ISCA1: variants seen among roughly 807,000 people sequenced by gnomAD.
ISCA1 encodes the protein iron-sulfur cluster assembly 1.
In ISCA1, 9 loss-of-function variants were observed where a neutral mutation model predicts 14.7. That is an observed-to-expected ratio of 0.61 (90% CI 0.37 to 1.07). ISCA1 has a LOEUF of 1.07. Among genes scored for constraint, ISCA1 ranks in the 50% least tolerant of loss-of-function variants. The probability of loss-of-function intolerance (pLI) is 0.01; values close to 1 mark genes in which losing one functional copy is unlikely to be tolerated. For synonymous variants in ISCA1, 38 were observed against 54.3 expected, an observed-to-expected ratio of 0.70 and a Z score of 1.32; for missense variants, 102 against 150.1, an observed-to-expected ratio of 0.68 and a Z score of 1.67.
At chr9:86,268,223 C>T (rs545423753) in intron 3 of ISCA1, among the ~76,000 whole-genome samples, 27 of 152,124 alleles carry the variant, frequency 1.8e-4, no homozygotes, top group Admixed American at 3.9e-4. Context: ...CTGCCCCTGA[C>T]GGCCTTCCAA....
chr9:86,272,157 G>T, intron 2 of ISCA1, 45 bp from the exon 3 acceptor site: 2 of 1,139,328 alleles, frequency 1.8e-6, no homozygotes, highest in Non-Finnish European at 2.6e-6. Context: ...AAGTAGTACA[G>T]ATTAAACAAT....
Position 86,271,994 on chromosome 9 carries a change from G to T in ISCA1, c.241+13C>A. On this transcript the variant is annotated intron_variant, in intron 3 of 3. Coordinates refer to ENST00000375991, the MANE Select transcript of ISCA1 (RefSeq NM_030940.4). ...AAAACAATGTGCCCAAAAAATGTTT[G>T]TTAAAAACTCACCATCTTGAATAAC... 1 of 1,496,704 alleles carries T rather than the reference G, an allele frequency of 6.7e-7. No homozygotes were observed. The highest frequency in any genetic ancestry group is 9.3e-7 in the Non-Finnish European group (1 of 1,076,994). The allele number at this position is 1,496,704 out of a possible 1,614,324, so 92.7% of individuals were successfully genotyped here. A position where few individuals can be genotyped will look rare whatever the true frequency, so the allele number is the denominator to read the frequency against.
chr9:86,265,252 G>T lies in ISCA1; in HGVS notation c.*791C>A, dbSNP rs1316129223. 6.6e-6 allele frequency: 1 copy of T among 152,208 alleles called. No individual in the cohort carries two copies. The highest frequency in any genetic ancestry group is 1.5e-5 in the Non-Finnish European group (1 of 68,050). The allele number at this position is 152,208 out of a possible 1,614,324, so 9.4% of individuals were successfully genotyped here. On this transcript the variant is annotated 3_prime_UTR_variant, in exon 4 of 4. Transcript: ENST00000375991. ...ATGTGTCACCTACAAGGGGAGAGGGGGGTAGAGTCCCTACTCTCCCCCGGC... is the reference window on the plus strand; with the variant it reads ...ATGTGTCACCTACAAGGGGAGAGGGTGGTAGAGTCCCTACTCTCCCCCGGC...
At chr9:86,270,716 G>C (rs1209990114) in intron 3 of ISCA1, among the ~76,000 whole-genome samples, 3 of 151,598 alleles carry the variant, frequency 2.0e-5, no homozygotes, top group Non-Finnish European at 4.4e-5. Context: ...GTGATAGACT[G>C]GATTAAGAAA....
At chr9:86,280,607 A>G (rs80123516) in intron 1 of ISCA1, among the ~76,000 whole-genome samples, 5,680 of 151,292 alleles carry the variant, frequency 0.038, 170 homozygotes, top group Middle Eastern at 0.082. Flanking sequence ...AAAAAAAAAA[A>G]AAAAAAAGAA....
intron 2 of ISCA1, among the ~76,000 whole-genome samples, chr9:86,272,521 G>T (rs1825383409): frequency 6.6e-6 from 1 of 152,208 alleles, no homozygotes; most frequent in African/African-American, 2.4e-5. Context: ...GAAAGCAAAA[G>T]ACTGCAGTCA....
chr9:86,278,014 T>C (rs1284212867), intron 1 of ISCA1, among the ~76,000 whole-genome samples: 1 of 152,260 alleles, frequency 6.6e-6, no homozygotes, highest in East Asian at 1.9e-4. Flanking sequence ...CAATCCTGTA[T>C]TTCTTTAAGT....
intron 2 of ISCA1, 97 bp from the exon 3 acceptor site, chr9:86,272,209 A>C (rs776442467): frequency 2.9e-5 from 22 of 765,332 alleles, no homozygotes; most frequent in Non-Finnish European, 4.3e-5. Context: ...ACCAAAATGG[A>C]CTTTCTCTTA....
Position 86,272,067 on chromosome 9 carries a change from A to G in ISCA1, c.181T>C (p.Ser61Pro), listed in dbSNP as rs763453804. ...GVRTRGCNGL[S>P]YTLEYTKTKG... ...GTCTTTGTATATTCTAGAGTATAAG[A>G]AAGGCCATTACAGCCCCTGGTTCGG... Residue 61 changes from serine (S) to proline (P), a missense_variant, in exon 3 of 4, where the codon TCT becomes CCT. Transcript: ENST00000375991. The G allele has an allele frequency of 1.2e-6, 2 of 1,607,840 alleles. No homozygotes were observed. The highest frequency in any genetic ancestry group is 2.2e-5 in the South Asian group (2 of 90,706).
At chr9:86,280,551 C>G (rs1825496663) in intron 1 of ISCA1, among the ~76,000 whole-genome samples, 1 of 149,350 alleles carries the variant, frequency 6.7e-6, no homozygotes, top group African/African-American at 2.5e-5. Context: ...GCTGAGATCA[C>G]GCCACTGCAC....
rs546400167 is a variant in ISCA1, at chr9:86,265,320, G to A, written c.*723C>T. ...ACAGGAGCCCTTTGGCTTCCCTGGG[G>A]TTTTGCTTCCTCACATAGGGAATTG... On this transcript the variant is annotated 3_prime_UTR_variant, in exon 4 of 4. Coordinates refer to ENST00000375991, the MANE Select transcript of ISCA1 (RefSeq NM_030940.4). The A allele has an allele frequency of 2.8e-4, 42 of 152,308 alleles. No individual in the cohort carries two copies. Among genetic ancestry groups the A allele is most frequent in the African/African-American group, 9.9e-4 (41 of 41,550 alleles). The allele number at this position is 152,308 out of a possible 1,614,324, so 9.4% of individuals were successfully genotyped here.
chr9:86,282,305 C>A (rs1375144050), intron 1 of ISCA1, 73 bp downstream of exon 1: 1 of 1,470,708 alleles, frequency 6.8e-7, no homozygotes, highest in Non-Finnish European at 9.1e-7. Flanking sequence ...CACTCCCGGC[C>A]GCCGTGACCT....
intron 1 of ISCA1, chr9:86,282,154 G>A (rs887464168): frequency 3.6e-6 from 2 of 562,472 alleles, no homozygotes; most frequent in South Asian, 2.5e-5. Flanking sequence ...GACGGGAAAC[G>A]TAGTTTCCGG....
In ISCA1 at chr9:86,282,484, C is replaced by G. The variant is rs1345445004; in HGVS notation, c.-26G>C. On this transcript the variant is annotated 5_prime_UTR_variant, in exon 1 of 4. Transcript: ENST00000375991. ...CTTCGCCGTCCCGGCGCCCCGGTGC[C>G]TCGGGCCGAAGGTCGGCCGCCTCAG... is the stretch of plus-strand genomic sequence containing the variant. 6.5e-6 allele frequency: 10 copies of G among 1,550,346 alleles called. No individual in the cohort carries two copies. Among genetic ancestry groups the G allele is most frequent in the African/African-American group, 2.7e-5 (2 of 73,076 alleles).
intron 3 of ISCA1, among the ~76,000 whole-genome samples, chr9:86,268,817 C>A (rs1035612589): frequency 1.3e-5 from 2 of 151,830 alleles, no homozygotes; most frequent in African/African-American, 2.4e-5. Context: ...TTTTTTGAGA[C>A]AGAGTCTCAC....
intron 1 of ISCA1, among the ~76,000 whole-genome samples, chr9:86,275,335 TAA>T (rs1825427588): frequency 1.3e-5 from 2 of 152,192 alleles, no homozygotes; most frequent in East Asian, 1.9e-4. Flanking sequence ...TACTGTACAG[TAA>T]AGTCTTTGAG....
chr9:86,274,140 G>T, intron 2 of ISCA1, 49 bp downstream of exon 2: 1 of 1,037,834 alleles, frequency 9.6e-7, no homozygotes, highest in Non-Finnish European at 1.5e-6. Flanking sequence ...AATTCATTCT[G>T]AAAATGCAGC....
At chr9:86,273,633 G>A (rs915628351) in intron 2 of ISCA1, among the ~76,000 whole-genome samples, 31 of 152,180 alleles carry the variant, frequency 2.0e-4, no homozygotes, top group African/African-American at 7.0e-4. Context: ...GATATACACA[G>A]GAATAACAAG....
At chr9:86,282,280 G>A (rs1000895680) in intron 1 of ISCA1, 98 bp downstream of exon 1, 2 of 1,323,784 alleles carry the variant, frequency 1.5e-6, no homozygotes, top group African/African-American at 3.0e-5. Flanking sequence ...TGACGTGTCC[G>A]CGTCCCTGCG....
Sources: allele counts gnomAD v4.1 joint callset (sites outside exome capture counted in the v4.1 genomes callset), GRCh38; gene constraint gnomAD v4.1.1; transcripts MANE v1.5; gene names NCBI Gene and HGNC (gene_info 2026-07-23, HGNC 2026-07-21).